The following ZXDC variants were observed in gnomAD, a reference collection of about 807,000 sequenced individuals.
ZXDC encodes the protein zinc finger protein ZXDC.
A neutral mutation model predicts 63.6 loss-of-function variants in ZXDC; 58 were observed. The ratio of observed to expected loss-of-function variants is 0.91; its 90% CI spans 0.74 to 1.13. The LOEUF is 1.13. Among genes scored for constraint, ZXDC ranks in the 50% most tolerant of loss-of-function variants. ZXDC has a pLI of 0.00. For synonymous variants in ZXDC, 561 were observed against 496.1 expected, an observed-to-expected ratio of 1.13 and a Z score of -1.74; for missense variants, 1,133 against 1,148.9, an observed-to-expected ratio of 0.99 and a Z score of 0.20.
rs1935141678 is a variant in ZXDC, at chr3:126,475,209, G to A, written c.657C>T (p.Phe219=). The A allele has an allele frequency of 3.2e-6, 5 of 1,580,950 alleles. No homozygotes were observed. The highest frequency in any genetic ancestry group is 4.3e-6 in the Non-Finnish European group (5 of 1,163,434). The part of the protein sequence containing the change: ...KCPLEGCGWA[F]TTSYKLKRHL... ...GCCGCTTGAGCTTGTAGGACGTTGT[G>A]AAGGCCCAACCACAGCCCTCCAGTG... The change falls in exon 1 of 10, where the codon TTC becomes TTT. Residue 219 remains phenylalanine, a synonymous_variant. Coordinates refer to ENST00000389709, the MANE Select transcript of ZXDC (RefSeq NM_025112.5).
At chr3:126,453,118 G>A in intron 7 of ZXDC, 1 of 985,360 alleles carries the variant, frequency 1.0e-6, no homozygotes, top group Non-Finnish European at 1.2e-6. Context: ...CAAAGGGGGA[G>A]AACTGAGGAA....
intron 7 of ZXDC, chr3:126,451,888 G>T: frequency 5.1e-6 from 5 of 984,970 alleles, no homozygotes; most frequent in Non-Finnish European, 4.8e-6. Context: ...CACCTCATAG[G>T]GTTTTTGTGA....
chr3:126,453,701 C>T (rs540920358), intron 7 of ZXDC: 6 of 974,940 alleles, frequency 6.2e-6, no homozygotes, highest in Non-Finnish European at 7.3e-6. Context: ...TATTTTTTTT[C>T]TTTTTTTTTG....
rs369820912 is a variant in ZXDC at position 126,462,104 on chromosome 3, C to G, written c.1558G>C (p.Ala520Pro). ...DLAALFSDTPANASGSAGGSD... is the reference protein window; with the variant it reads ...DLAALFSDTPPNASGSAGGSD... ...CCACCTGCAGAACCACTAGCATTGG[C>G]AGGTGTGTCAGAGAAGAGTGCAGCA... The change falls in exon 6 of 10, where the codon GCC (alanine) becomes CCC (proline). Residue 520 changes from alanine (A) to proline (P), a missense_variant. Physicochemically the swap from Ala to Pro is conservative, Grantham distance 27. Transcript: ENST00000389709. The G allele has an allele frequency of 6.2e-7, 1 of 1,613,946 alleles. No homozygotes were observed. The highest frequency in any genetic ancestry group is 8.5e-7 in the Non-Finnish European group (1 of 1,180,034).
At chr3:126,469,313 T>C (rs1178810328) in intron 4 of ZXDC, among the ~76,000 whole-genome samples, 2 of 152,152 alleles carry the variant, frequency 1.3e-5, no homozygotes, top group Admixed American at 1.3e-4. Flanking sequence ...TGGCCTGCTC[T>C]CCCCAGCACC....
chr3:126,438,483 T>G, intron 9 of ZXDC, 22 bp from the exon 10 acceptor site: 1 of 1,608,612 alleles, frequency 6.2e-7, no homozygotes, highest in African/African-American at 1.3e-5. Flanking sequence ...AGCATTGTCA[T>G]GAAGAGGGAG....
chr3:126,449,516 A>T (rs1934012847), intron 7 of ZXDC, among the ~76,000 whole-genome samples: 1 of 152,278 alleles, frequency 6.6e-6, no homozygotes, highest in African/African-American at 2.4e-5. Context: ...AGGCTGCTGC[A>T]GGTGGAGCCA....
chr3:126,467,667 A>G (rs1240945221), intron 4 of ZXDC, among the ~76,000 whole-genome samples: 1 of 152,186 alleles, frequency 6.6e-6, no homozygotes, highest in Non-Finnish European at 1.5e-5. Context: ...GCTCGTCAAA[A>G]ACCATCTGGG....
rs200602318 is a variant in ZXDC, at chr3:126,461,539, T to C, written c.2123A>G (p.Tyr708Cys). 1.5e-4 allele frequency: 234 copies of C among 1,607,690 alleles called. 1 individual carries two copies. In the East Asian group the frequency reaches 1.7e-3, roughly 12 times the overall value. ...ACTGAATAGAGTGCTTCATACCAAA[T>C]AGAAGTTGCCAGTGCCTGCACTGAG... is the stretch of plus-strand genomic sequence containing the variant. ...TELSAGTGNF[Y>C]LESGGSARTD... Residue 708 changes from tyrosine to cysteine, a missense_variant, in exon 6 of 10, where the codon TAT (tyrosine) becomes TGT (cysteine). Physicochemically the swap from Tyr to Cys is radical, Grantham distance 194. Coordinates refer to ENST00000389709, the MANE Select transcript of ZXDC (RefSeq NM_025112.5).
intron 8 of ZXDC, chr3:126,440,379 G>C: frequency 3.0e-6 from 3 of 985,758 alleles, no homozygotes; most frequent in Non-Finnish European, 3.6e-6. Flanking sequence ...CTGCACTACT[G>C]TTCCCATTTC....
At position 126,454,132 on chromosome 3, in the gene ZXDC, T is replaced by C. The variant is rs1934218608; in HGVS notation, c.2212+5521A>G. Reference sequence around the variant, plus strand: ...CCTAATTTGTTCCATTTAATTTCTATAAATATTCAAAGGACATGGAATAGG... The same window carrying C: ...CCTAATTTGTTCCATTTAATTTCTACAAATATTCAAAGGACATGGAATAGG... On this transcript the variant is annotated intron_variant, in intron 7 of 9. Transcript: ENST00000389709. 8 of 967,800 alleles carry C rather than the reference T, an allele frequency of 8.3e-6. No homozygotes were observed. The Admixed American group carries it at 3.1e-4, about 37-fold the overall frequency. The allele number at this position is 967,800 out of a possible 1,614,324, so 60.0% of individuals were successfully genotyped here.
chr3:126,462,259 C>A, intron 5 of ZXDC, 39 bp from the exon 6 acceptor site: 1 of 1,540,160 alleles, frequency 6.5e-7, no homozygotes. Flanking sequence ...ACTTTATGAC[C>A]TTGAAGACTG....
intron 7 of ZXDC, among the ~76,000 whole-genome samples, chr3:126,457,046 A>G (rs909476915): frequency 6.6e-6 from 1 of 152,210 alleles, no homozygotes; most frequent in African/African-American, 2.4e-5. Context: ...TCCTCTTTGA[A>G]AGCATCATGA....
intron 7 of ZXDC, chr3:126,453,427 T>C: frequency 1.0e-6 from 1 of 985,496 alleles, no homozygotes; most frequent in Middle Eastern, 5.2e-4. Context: ...GACTCTGTTC[T>C]GATAGGAAGA....
rs940511578 is a variant in ZXDC at position 126,438,447 on chromosome 3, T to C, written c.2505A>G (p.Ser835=). The C allele has an allele frequency of 9.9e-6, 16 of 1,613,570 alleles. No individual in the cohort carries two copies. Among genetic ancestry groups the C allele is most frequent in the East Asian group, 2.2e-5 (1 of 44,854 alleles). Residue 835 remains serine (S), a synonymous_variant, in exon 10 of 10, where the codon TCA becomes TCG. Coordinates refer to ENST00000389709, the MANE Select transcript of ZXDC (RefSeq NM_025112.5). ...CCTCCGGTCCAGCAGGGCCTCCAGA[T>C]GAGGGGAGCACCTCCTGCAAAACCA... The part of the protein sequence containing the change: ...PVYVLQEVLP[S]SGGPAGPEAT...
intron 8 of ZXDC, chr3:126,440,904 C>A (rs1429940269): frequency 3.0e-6 from 3 of 985,614 alleles, no homozygotes; most frequent in East Asian, 1.1e-4. Context: ...TCTGAACCCA[C>A]AAACGTGCCT....
chr3:126,475,174 G>A lies in ZXDC; in HGVS notation c.692C>T (p.Ser231Leu), dbSNP rs751902966. 6.3e-7 allele frequency: 1 copy of A among 1,599,992 alleles called. No individual in the cohort carries two copies. Among genetic ancestry groups the A allele is most frequent in the Non-Finnish European group, 8.5e-7 (1 of 1,173,310 alleles). The change falls in exon 1 of 10, where the codon TCG becomes TTG. Residue 231 changes from serine (S) to leucine (L), a missense_variant. Physicochemically the swap from Ser to Leu is moderately radical, Grantham distance 145. Coordinates refer to ENST00000389709, the MANE Select transcript of ZXDC (RefSeq NM_025112.5). ...TSYKLKRHLQ[S>L]HDKLRPFGCP... ...GCCGAAGGGCCGCAGCTTGTCGTGC[G>A]ACTGCAGGTGCCGCTTGAGCTTGTA...
At chr3:126,459,896 T>C (rs1162716440) in intron 6 of ZXDC, 159 bp from the exon 7 acceptor site, 4 of 985,326 alleles carry the variant, frequency 4.1e-6, no homozygotes, top group African/African-American at 3.5e-5. Context: ...CTACATCCAC[T>C]TGTGGCGAGG....
At chr3:126,441,308 A>G in intron 8 of ZXDC, 2 of 995,138 alleles carry the variant, frequency 2.0e-6, no homozygotes, top group Non-Finnish European at 1.2e-6. Flanking sequence ...CACCACCTTC[A>G]GCATAGAAAG....
Sources: allele counts gnomAD v4.1 joint callset (sites outside exome capture counted in the v4.1 genomes callset), GRCh38; gene constraint gnomAD v4.1.1; transcripts MANE v1.5; gene names NCBI Gene and HGNC (gene_info 2026-07-23, HGNC 2026-07-21).